MED12L: variants seen among roughly 807,000 people sequenced by gnomAD.
The protein encoded by MED12L is mediator of RNA polymerase II transcription subunit 12-like protein.
A neutral mutation model predicts 281.3 loss-of-function variants in MED12L; 60 were observed. That is an observed-to-expected ratio of 0.21 (90% confidence interval 0.17 to 0.26). MED12L has a LOEUF of 0.26. Among genes scored for constraint, MED12L ranks in the 10% least tolerant of loss-of-function variants. The pLI is 1.00. For missense variants in MED12L, 2,146 were observed against 2,680.9 expected (o/e 0.80, Z 4.41); for synonymous variants, 974 against 987.2 (o/e 0.99, Z 0.25).
Position 151,355,251 on chromosome 3 carries a change from A to G in MED12L, c.2517+12A>G, listed in dbSNP as rs773468755. 1.1e-5 allele frequency: 18 copies of G among 1,573,172 alleles called. No homozygotes were observed. Among genetic ancestry groups the G allele is most frequent in the Non-Finnish European group, 1.6e-5 (18 of 1,146,784 alleles). ...AAGTGACATCTCAGGTAGCTATTTA[A>G]AGCTGTTTATTATGCATTTGCAGTA... is the stretch of plus-strand genomic sequence containing the variant. On this transcript the variant is annotated intron_variant, in intron 18 of 44. Coordinates refer to ENST00000687756, the MANE Select transcript of MED12L (RefSeq NM_001393769.1).
intron 16 of MED12L, among the ~76,000 whole-genome samples, chr3:151,247,093 A>C (rs983244523): frequency 1.1e-4 from 17 of 152,278 alleles, no homozygotes; most frequent in East Asian, 1.9e-4. Flanking sequence ...GATTGGCAAT[A>C]ATTAAAAAGT....
At chr3:151,293,719 T>G (rs1023314440) in intron 16 of MED12L, among the ~76,000 whole-genome samples, 1 of 145,452 alleles carries the variant, frequency 6.9e-6, no homozygotes. Context: ...AAGGAAAAAA[T>G]AATTTTAAAA....
intron 2 of MED12L, among the ~76,000 whole-genome samples, chr3:151,102,213 G>A (rs73155774): frequency 0.12 from 17,925 of 152,038 alleles, 1,111 homozygotes; most frequent in Middle Eastern, 0.18. Flanking sequence ...TCCCTTTAAC[G>A]CCTGTTATTG....
intron 37 of MED12L, among the ~76,000 whole-genome samples, chr3:151,389,726 T>C (rs1713938527): frequency 6.6e-6 from 1 of 152,308 alleles, no homozygotes; most frequent in South Asian, 2.1e-4. Context: ...TCTTTTGAAA[T>C]AGAATTCAGA....
At chr3:151,131,459 T>C (rs552597855) in intron 5 of MED12L, among the ~76,000 whole-genome samples, 1 of 151,198 alleles carries the variant, frequency 6.6e-6, no homozygotes, top group Non-Finnish European at 1.5e-5. Context: ...CCAAAAAAAT[T>C]AGTAAGGTGT....
chr3:151,106,301 T>TTTTCTC (rs1553795711), intron 2 of MED12L, among the ~76,000 whole-genome samples: 2 of 97,754 alleles, frequency 2.0e-5, no homozygotes, highest in African/African-American at 1.1e-4. Flanking sequence ...TTCCTTTTCC[T>TTTTCTC]TTTCCTTCTC....
chr3:151,369,655 G>A, intron 26 of MED12L, 106 bp downstream of exon 26: 1 of 675,374 alleles, frequency 1.5e-6, no homozygotes, highest in Non-Finnish European at 2.4e-6. Flanking sequence ...ACATGATACT[G>A]TTTGATCGCT....
chr3:151,417,203 G>A (rs897305166), intron 43 of MED12L, among the ~76,000 whole-genome samples: 2 of 152,132 alleles, frequency 1.3e-5, no homozygotes, highest in Admixed American at 6.5e-5. Flanking sequence ...CCCTACCTAC[G>A]ATGAGCTGGC....
At chr3:151,160,778 T>G (rs1028308040) in intron 8 of MED12L, among the ~76,000 whole-genome samples, 4 of 152,148 alleles carry the variant, frequency 2.6e-5, no homozygotes, top group African/African-American at 9.7e-5. Flanking sequence ...TTCCAAATAA[T>G]ATGACAAGGG....
chr3:151,150,529 A>G (rs1053874841), intron 5 of MED12L, among the ~76,000 whole-genome samples: 1 of 152,182 alleles, frequency 6.6e-6, no homozygotes, highest in Non-Finnish European at 1.5e-5. Context: ...GTGAATTAGC[A>G]TTGGTTTTAG....
chr3:151,125,041 C>T (rs1022581939), intron 4 of MED12L, among the ~76,000 whole-genome samples: 1 of 152,206 alleles, frequency 6.6e-6, no homozygotes, highest in Non-Finnish European at 1.5e-5. Context: ...TCTTAATTTT[C>T]TCTGTACTTA....
rs1720100526 is a variant in MED12L, at chr3:151,435,794, T to C, written c.*2990T>C. Reference sequence around the variant, plus strand: ...TTACAAAAACACATTTTGTGTAGGATTGATCAGATTTTAAATACAGTGAAA... The same window carrying C: ...TTACAAAAACACATTTTGTGTAGGACTGATCAGATTTTAAATACAGTGAAA... On this transcript the variant is annotated 3_prime_UTR_variant, in exon 45 of 45. Coordinates refer to ENST00000687756, the MANE Select transcript of MED12L (RefSeq NM_001393769.1). 6.6e-6 allele frequency: 1 copy of C among 151,908 alleles called. No homozygotes were observed. The highest frequency in any genetic ancestry group is 1.5e-5 in the Non-Finnish European group (1 of 68,006). The allele number at this position is 151,908 out of a possible 1,614,324, so 9.4% of individuals were successfully genotyped here.
At chr3:151,184,631 A>ATCC (rs1225144034) in intron 11 of MED12L, among the ~76,000 whole-genome samples, 2 of 152,084 alleles carry the variant, frequency 1.3e-5, no homozygotes, top group South Asian at 2.1e-4. Flanking sequence ...ACATCCTCTC[A>ATCC]TCCTCAGTCG....
chr3:151,201,611 A>G (rs568909664), intron 16 of MED12L, among the ~76,000 whole-genome samples: 2 of 152,290 alleles, frequency 1.3e-5, no homozygotes, highest in East Asian at 1.9e-4. Flanking sequence ...AGCGCTCTGC[A>G]TTTATCCTTA....
chr3:151,190,687 G>A (rs1314624524), intron 13 of MED12L, 30 bp from the exon 14 acceptor site: 4 of 1,601,654 alleles, frequency 2.5e-6, no homozygotes, highest in Non-Finnish European at 3.4e-6. Context: ...CCTGCTCAAG[G>A]AATTCTTGAT....
At chr3:151,171,737 G>A (rs1270167751) in intron 11 of MED12L, among the ~76,000 whole-genome samples, 1 of 152,224 alleles carries the variant, frequency 6.6e-6, no homozygotes, top group Non-Finnish European at 1.5e-5. Context: ...GGCACAGAGT[G>A]TCCCAGGCCC....
chr3:151,257,396 G>A (rs1738020395), intron 16 of MED12L, among the ~76,000 whole-genome samples: 1 of 152,206 alleles, frequency 6.6e-6, no homozygotes, highest in Non-Finnish European at 1.5e-5. Context: ...ATGATTAAGA[G>A]CATTGTCTCC....
chr3:151,174,200 T>C (rs1480841740), intron 11 of MED12L, among the ~76,000 whole-genome samples: 1 of 152,202 alleles, frequency 6.6e-6, no homozygotes, highest in Non-Finnish European at 1.5e-5. Context: ...AGATTTTGGA[T>C]TTTCAGATAG....
chr3:151,246,682 A>G (rs1735576315), intron 16 of MED12L, among the ~76,000 whole-genome samples: 1 of 152,226 alleles, frequency 6.6e-6, no homozygotes, highest in African/African-American at 2.4e-5. Context: ...AAGAAAACCT[A>G]GGCATTACCA....
Sources: gnomAD v4.1 joint callset for allele counts (sites outside exome capture counted in the v4.1 genomes callset) on GRCh38, gnomAD v4.1.1 for gene constraint, MANE v1.5 for transcripts, NCBI Gene and HGNC (gene_info 2026-07-23, HGNC 2026-07-21) for gene names.